Variants in CA10 observed in about 807,000 individuals in gnomAD.
CA10 encodes the protein carbonic anhydrase-related protein 10.
In CA10, 14 loss-of-function variants were observed where a neutral mutation model predicts 44.2. The observed-to-expected ratio is 0.32, with a 90% CI of 0.21 to 0.50. The LOEUF (loss-of-function observed/expected upper bound fraction) is 0.50. CA10 is among the 20% of genes least tolerant of loss of function. The pLI, the probability that CA10 is intolerant of heterozygous loss-of-function variation, is 0.99. For missense variants in CA10, 350 were observed against 409.7 expected, an observed-to-expected ratio of 0.85 and a Z score of 1.26; for synonymous variants, 159 against 141.6, an observed-to-expected ratio of 1.12 and a Z score of -0.87.
chr17:51,684,124 C>A (rs1914933208), intron 4 of CA10, among the ~76,000 whole-genome samples: 1 of 152,132 alleles, frequency 6.6e-6, no homozygotes, highest in South Asian at 2.1e-4. Flanking sequence ...AGGATCCTTC[C>A]AAGTGAATAG....
intron 3 of CA10, among the ~76,000 whole-genome samples, chr17:51,906,786 TTCAC>T (rs1345696266): frequency 6.6e-6 from 1 of 152,122 alleles, no homozygotes; most frequent in Non-Finnish European, 1.5e-5. Flanking sequence ...CAAAGGGCCA[TTCAC>T]TCAATGACTA....
chr17:51,755,646 C>T (rs1453276724), intron 3 of CA10, among the ~76,000 whole-genome samples: 1 of 152,184 alleles, frequency 6.6e-6, no homozygotes, highest in Non-Finnish European at 1.5e-5. Context: ...CTGACGTGTA[C>T]AGGAGCTACT....
chr17:51,738,026 C>A lies in CA10; in HGVS notation c.465+9607G>T, dbSNP rs986553082. On this transcript the variant is annotated intron_variant, in intron 4 of 8. Coordinates refer to ENST00000451037, the MANE Select transcript of CA10 (RefSeq NM_020178.5). ...ATTCTGAATATGAGCATGGCACAGG[C>A]AACTAAGTGGCATAATTCATTTGGG... 3.9e-5 allele frequency among the ~76,000 whole-genome samples: 6 copies of A among 152,142 alleles called. No homozygotes were observed. In the East Asian group the frequency reaches 1.2e-3, roughly 29 times the overall value.
At chr17:51,929,871 C>G (rs1336778793) in intron 3 of CA10, among the ~76,000 whole-genome samples, 3 of 152,092 alleles carry the variant, frequency 2.0e-5, no homozygotes, top group African/African-American at 4.8e-5. Flanking sequence ...AAATGCTTCT[C>G]AAGTCATATT....
intron 4 of CA10, among the ~76,000 whole-genome samples, chr17:51,714,016 A>G (rs909769037): frequency 1.3e-5 from 2 of 152,152 alleles, no homozygotes; most frequent in Non-Finnish European, 2.9e-5. Context: ...TCTTATAGTC[A>G]AAGAACACTG....
At chr17:52,130,784 G>T (rs1989221085) in intron 1 of CA10, among the ~76,000 whole-genome samples, 1 of 151,982 alleles carries the variant, frequency 6.6e-6, no homozygotes, top group South Asian at 2.1e-4. Context: ...TAAAGCCTCA[G>T]ACTCTTGGGC....
intron 4 of CA10, among the ~76,000 whole-genome samples, chr17:51,654,227 G>C (rs1913693706): frequency 6.6e-6 from 1 of 152,242 alleles, no homozygotes; most frequent in South Asian, 2.1e-4. Flanking sequence ...TGCAGTAGTA[G>C]CTGATGGATC....
At chr17:51,685,516 A>T (rs1914977821) in intron 4 of CA10, among the ~76,000 whole-genome samples, 1 of 152,228 alleles carries the variant, frequency 6.6e-6, no homozygotes, top group Admixed American at 6.5e-5. Context: ...CAAATCTGCA[A>T]ATGATGGCTT....
At chr17:51,961,837 G>A (rs934258071) in intron 2 of CA10, among the ~76,000 whole-genome samples, 1 of 152,180 alleles carries the variant, frequency 6.6e-6, no homozygotes, top group African/African-American at 2.4e-5. Context: ...TGCCCTCTCT[G>A]CTCCGTGCCC....
intron 3 of CA10, among the ~76,000 whole-genome samples, chr17:51,793,396 C>T (rs748884948): frequency 9.2e-5 from 14 of 152,150 alleles, no homozygotes; most frequent in Non-Finnish European, 1.8e-4. Context: ...TATCAGTTAG[C>T]CACATGTTGA....
chr17:52,014,593 A>C (rs1009981862), intron 2 of CA10, among the ~76,000 whole-genome samples: 3 of 152,168 alleles, frequency 2.0e-5, no homozygotes, highest in Admixed American at 2.0e-4. Flanking sequence ...TCTATCAGCT[A>C]TCATGGAAAA....
intron 3 of CA10, among the ~76,000 whole-genome samples, chr17:51,837,845 A>C (rs1978292293): frequency 6.6e-6 from 1 of 152,212 alleles, no homozygotes; most frequent in Non-Finnish European, 1.5e-5. Context: ...GTTTCAAATC[A>C]GTTAATTACC....
At chr17:51,917,845 A>G (rs1053680512) in intron 3 of CA10, among the ~76,000 whole-genome samples, 1 of 152,118 alleles carries the variant, frequency 6.6e-6, no homozygotes, top group Non-Finnish European at 1.5e-5. Flanking sequence ...TATCCCAACT[A>G]TATTACTGTG....
intron 2 of CA10, among the ~76,000 whole-genome samples, chr17:52,029,417 A>C (rs1986397979): frequency 6.6e-6 from 1 of 152,172 alleles, no homozygotes; most frequent in Non-Finnish European, 1.5e-5. Context: ...TAGATAGAGC[A>C]CCATGTTTCT....
intron 4 of CA10, among the ~76,000 whole-genome samples, chr17:51,729,163 C>T (rs1374873948): frequency 1.3e-5 from 2 of 152,118 alleles, no homozygotes; most frequent in African/African-American, 4.8e-5. Flanking sequence ...CCCATTTGAC[C>T]TCTAGCCCCA....
chr17:52,030,624 G>A (rs1211756227), intron 2 of CA10, among the ~76,000 whole-genome samples: 1 of 152,190 alleles, frequency 6.6e-6, no homozygotes, highest in Admixed American at 6.5e-5. Flanking sequence ...AGGTGTCTGT[G>A]AGGGGTTTTT....
intron 6 of CA10, among the ~76,000 whole-genome samples, chr17:51,644,884 C>A (rs374456632): frequency 6.6e-6 from 1 of 151,196 alleles, no homozygotes; most frequent in Admixed American, 6.6e-5. Flanking sequence ...CTGCCACCTC[C>A]GCCTCCCGGG....
At chr17:51,798,040 G>A (rs1290528370) in intron 3 of CA10, among the ~76,000 whole-genome samples, 1 of 152,102 alleles carries the variant, frequency 6.6e-6, no homozygotes, top group African/African-American at 2.4e-5. Flanking sequence ...GCAAAGCCCT[G>A]ACAGAAATGG....
chr17:52,039,208 C>A (rs1401150393), intron 2 of CA10, among the ~76,000 whole-genome samples: 1 of 152,018 alleles, frequency 6.6e-6, no homozygotes, highest in African/African-American at 2.4e-5. Flanking sequence ...AGACAAATTT[C>A]TCTCTGAGTA....
Sources: gnomAD v4.1 joint callset for allele counts (sites outside exome capture counted in the v4.1 genomes callset) on GRCh38, gnomAD v4.1.1 for gene constraint, MANE v1.5 for transcripts, NCBI Gene and HGNC (gene_info 2026-07-23, HGNC 2026-07-21) for gene names.